ALK: variants seen among roughly 807,000 people sequenced by gnomAD.
ALK encodes ALK tyrosine kinase receptor.
ALK carries 74 observed loss-of-function variants against 163.1 expected under a neutral mutation model. That is an observed-to-expected ratio of 0.45 (90% CI 0.38 to 0.55). The LOEUF (loss-of-function observed/expected upper bound fraction) is 0.55, where lower values mean the gene tolerates loss of function less well. Ranked by LOEUF, ALK falls within the 20% of genes least tolerant of loss-of-function variation. The pLI is 0.00. For missense variants in ALK, 2,063 were observed against 2,105.3 expected, an observed-to-expected ratio of 0.98 and a Z score of 0.39; for synonymous variants, 960 against 843.2, an observed-to-expected ratio of 1.14 and a Z score of -2.40.
Position 29,902,171 on chromosome 2 carries a change from T to A in ALK, c.667+17822A>T, listed in dbSNP as rs531604459. On this transcript the variant is annotated intron_variant, in intron 1 of 28. Coordinates refer to ENST00000389048, the MANE Select transcript of ALK (RefSeq NM_004304.5). The stretch of plus-strand genomic sequence containing the variant: ...GCTAGCAGGACACAGCTGCTTGGAG[T>A]TGGGCTATCATCTCGGCTCCCCAGG... Among the ~76,000 whole-genome samples, 7 of 152,210 alleles carry A rather than the reference T, an allele frequency of 4.6e-5. No individual in the cohort carries two copies. In the South Asian group the frequency reaches 1.5e-3, roughly 32 times the overall value.
intron 3 of ALK, among the ~76,000 whole-genome samples, chr2:29,637,233 AT>A (rs1323449931): frequency 6.6e-6 from 1 of 152,200 alleles, no homozygotes; most frequent in Non-Finnish European, 1.5e-5. Context: ...CCTCCATACC[AT>A]GGAATATCAC....
chr2:29,720,553 C>A (rs1003447847), intron 1 of ALK, among the ~76,000 whole-genome samples: 1 of 152,140 alleles, frequency 6.6e-6, no homozygotes, highest in Middle Eastern at 3.2e-3. Flanking sequence ...TGAGCCTCCC[C>A]ACCTGAAAAG....
chr2:29,309,836 G>T (rs1431651304), intron 8 of ALK, among the ~76,000 whole-genome samples: 1 of 152,096 alleles, frequency 6.6e-6, no homozygotes, highest in Non-Finnish European at 1.5e-5. Context: ...GTGAAATAAC[G>T]CTCCCGACCT....
intron 1 of ALK, among the ~76,000 whole-genome samples, chr2:29,800,746 A>G (rs940168352): frequency 1.3e-5 from 2 of 152,098 alleles, no homozygotes; most frequent in African/African-American, 4.8e-5. Context: ...TCTACCCCAC[A>G]CCCATCCAAC....
chr2:29,635,663 TG>T (rs1361681288), intron 3 of ALK, among the ~76,000 whole-genome samples: 1 of 152,116 alleles, frequency 6.6e-6, no homozygotes, highest in East Asian at 1.9e-4. Context: ...GTCCCCCAGG[TG>T]TGATCTCGGC....
At chr2:29,259,121 C>A (rs1291497298) in intron 11 of ALK, among the ~76,000 whole-genome samples, 4 of 152,094 alleles carry the variant, frequency 2.6e-5, no homozygotes, top group African/African-American at 7.2e-5. Flanking sequence ...ACACTGAGAA[C>A]CATGTCTCTC....
intron 4 of ALK, among the ~76,000 whole-genome samples, chr2:29,465,460 G>A (rs1025218173): frequency 9.2e-5 from 14 of 152,178 alleles, no homozygotes; most frequent in Non-Finnish European, 1.5e-4. Flanking sequence ...TTGGGAGGCT[G>A]AGGCAGGTGG....
At chr2:29,244,822 A>C (rs979998338) in intron 12 of ALK, among the ~76,000 whole-genome samples, 1 of 152,254 alleles carries the variant, frequency 6.6e-6, no homozygotes, top group African/African-American at 2.4e-5. Flanking sequence ...CATGCCTGTG[A>C]TATCTCTCCT....
intron 1 of ALK, among the ~76,000 whole-genome samples, chr2:29,860,999 T>A (rs1039241014): frequency 2.6e-5 from 4 of 152,024 alleles, no homozygotes; most frequent in Admixed American, 6.6e-5. Flanking sequence ...AGTAAGACCC[T>A]ATCTCTACAA....
At chr2:29,639,529 T>A (rs1676639958) in intron 3 of ALK, among the ~76,000 whole-genome samples, 1 of 152,160 alleles carries the variant, frequency 6.6e-6, no homozygotes, top group South Asian at 2.1e-4. Flanking sequence ...AATAAAAAGC[T>A]ACAAATAATT....
At chr2:29,811,667 A>G (rs1664764709) in intron 1 of ALK, among the ~76,000 whole-genome samples, 1 of 152,212 alleles carries the variant, frequency 6.6e-6, no homozygotes, top group Non-Finnish European at 1.5e-5. Flanking sequence ...TAAGGCATGT[A>G]GCTGACCTGG....
At chr2:29,306,634 T>C (rs191664530) in intron 8 of ALK, among the ~76,000 whole-genome samples, 1 of 151,866 alleles carries the variant, frequency 6.6e-6, no homozygotes, top group East Asian at 1.9e-4. Context: ...CCATTGTCCT[T>C]ACCAGACAAT....
chr2:29,615,120 A>G (rs879774486), intron 3 of ALK, among the ~76,000 whole-genome samples: 3 of 152,238 alleles, frequency 2.0e-5, no homozygotes, highest in Admixed American at 2.0e-4. Context: ...CACCCAGCCA[A>G]TGCTTTTCTT....
chr2:29,631,361 A>G (rs1478703685), intron 3 of ALK, among the ~76,000 whole-genome samples: 3 of 152,260 alleles, frequency 2.0e-5, no homozygotes, highest in African/African-American at 7.2e-5. Context: ...AAAACAGTTC[A>G]GATCAATCAG....
chr2:29,271,655 G>A (rs1207016552), intron 11 of ALK, among the ~76,000 whole-genome samples: 1 of 152,254 alleles, frequency 6.6e-6, no homozygotes, highest in Non-Finnish European at 1.5e-5. Flanking sequence ...GGGAGGACCT[G>A]CAGAGGCAGA....
chr2:29,364,276 G>T (rs535853698), intron 5 of ALK, among the ~76,000 whole-genome samples: 1 of 152,150 alleles, frequency 6.6e-6, no homozygotes. Context: ...AGAGGCTTTG[G>T]TTGCTGTTGT....
At chr2:29,850,190 T>C (rs1665954457) in intron 1 of ALK, among the ~76,000 whole-genome samples, 2 of 152,118 alleles carry the variant, frequency 1.3e-5, no homozygotes, top group African/African-American at 4.8e-5. Context: ...ACTGTGGACA[T>C]AGCTCACAAA....
rs1665820995 is a variant in ALK at position 29,285,214 on chromosome 2, G to A, written c.1818-9718C>T. 2.0e-5 allele frequency among the ~76,000 whole-genome samples: 3 copies of A among 152,138 alleles called. No homozygotes were observed. In the South Asian group the frequency reaches 6.2e-4, roughly 32 times the overall value. ...CCTTCCAATATCCCCCATGCTCTGTGCTTCCCGCCCTCCAGCCTATCTCCG... is the reference window on the plus strand; with the variant it reads ...CCTTCCAATATCCCCCATGCTCTGTACTTCCCGCCCTCCAGCCTATCTCCG... On this transcript the variant is annotated intron_variant, in intron 9 of 28. Transcript: ENST00000389048.
intron 5 of ALK, among the ~76,000 whole-genome samples, chr2:29,329,631 AT>A (rs1398681506): frequency 6.6e-6 from 1 of 152,170 alleles, no homozygotes; most frequent in Non-Finnish European, 1.5e-5. Flanking sequence ...TGAGCCTCAC[AT>A]GGGGGTGGGG....
Sources: allele counts gnomAD v4.1 joint callset (sites outside exome capture counted in the v4.1 genomes callset), GRCh38; gene constraint gnomAD v4.1.1; transcripts MANE v1.5; gene names NCBI Gene and HGNC (gene_info 2026-07-23, HGNC 2026-07-21).